The following CFAP210 variants were observed in gnomAD, a reference collection of about 807,000 sequenced individuals.
CFAP210 encodes cilia and flagella associated protein 210, also known as cilia- and flagella- associated protein 210.
the CFAP210 span, chr2:169,662,303 G>A: frequency 4.4e-6 from 7 of 1,599,116 alleles, no homozygotes; most frequent in African/African-American, 4.1e-5. Flanking sequence ...CTGCTTTCAT[G>A]CATCTCTTCT....
At chr2:169,674,493 G>A in the CFAP210 span, 4 of 1,145,302 alleles carry the variant, frequency 3.5e-6, no homozygotes, top group Admixed American at 8.3e-5. Flanking sequence ...ATTTTAGCAT[G>A]TATTACTTTT....
At chr2:169,657,650 G>A in the CFAP210 span, among the ~76,000 whole-genome samples, 1 of 152,134 alleles carries the variant, frequency 6.6e-6, no homozygotes. Context: ...CCAGGAGGCA[G>A]AGGTTGCAGC....
At chr2:169,670,181 A>C in the CFAP210 span, among the ~76,000 whole-genome samples, 2 of 152,216 alleles carry the variant, frequency 1.3e-5, no homozygotes, top group Non-Finnish European at 2.9e-5. Flanking sequence ...AGAAGAAAGA[A>C]GACCTATACA....
chr2:169,668,579 C>T, the CFAP210 span, among the ~76,000 whole-genome samples: 1 of 152,128 alleles, frequency 6.6e-6, no homozygotes. Context: ...TGCAACTCTT[C>T]CTTTCATTTG....
the CFAP210 span, among the ~76,000 whole-genome samples, chr2:169,687,683 C>T: frequency 1.8e-4 from 28 of 152,174 alleles, no homozygotes; most frequent in African/African-American, 5.6e-4. Flanking sequence ...TGAGTGTCTG[C>T]GGCTTTTCCA....
chr2:169,681,216 C>G, the CFAP210 span: 1 of 1,610,022 alleles, frequency 6.2e-7, no homozygotes, highest in Non-Finnish European at 8.5e-7. Context: ...ACTTGATCTT[C>G]TTCAGAGTTT....
At chr2:169,670,070 T>C in the CFAP210 span, among the ~76,000 whole-genome samples, 1 of 152,198 alleles carries the variant, frequency 6.6e-6, no homozygotes, top group East Asian at 1.9e-4. Flanking sequence ...TTTTTTCTTT[T>C]TTTGTGTGTG....
the CFAP210 span, among the ~76,000 whole-genome samples, chr2:169,682,175 G>A: frequency 6.6e-6 from 1 of 151,954 alleles, no homozygotes; most frequent in Non-Finnish European, 1.5e-5. Flanking sequence ...CCTTTTAATC[G>A]ATCAAGGTTC....
chr2:169,650,343 A>C, the CFAP210 span: 1 of 1,590,940 alleles, frequency 6.3e-7, no homozygotes, highest in Non-Finnish European at 8.5e-7. Flanking sequence ...ATGGCTCGAT[A>C]TTCTGCAATT....
chr2:169,664,000 C>T, the CFAP210 span, among the ~76,000 whole-genome samples: 3 of 148,052 alleles, frequency 2.0e-5, no homozygotes, highest in East Asian at 5.9e-4. Flanking sequence ...ACCAGCCTGG[C>T]CAACATAATG....
chr2:169,663,450 C>A, the CFAP210 span, among the ~76,000 whole-genome samples: 2 of 152,188 alleles, frequency 1.3e-5, no homozygotes, highest in Non-Finnish European at 2.9e-5. Flanking sequence ...ATCCTCCCGC[C>A]TAAGCCTCCC....
At chr2:169,671,078 C>G in the CFAP210 span, among the ~76,000 whole-genome samples, 1 of 152,088 alleles carries the variant, frequency 6.6e-6, no homozygotes, top group South Asian at 2.1e-4. Flanking sequence ...ACAGTCATTC[C>G]AAATTTTGGC....
chr2:169,659,784 A>G, the CFAP210 span, among the ~76,000 whole-genome samples: 2 of 152,166 alleles, frequency 1.3e-5, no homozygotes, highest in Non-Finnish European at 2.9e-5. Flanking sequence ...TTAACTCAAA[A>G]GTTTCTTTAC....
the CFAP210 span, among the ~76,000 whole-genome samples, chr2:169,653,029 AATATATATATATATATATATAT>A: frequency 5.3e-3 from 211 of 39,960 alleles, 2 homozygotes; most frequent in Non-Finnish European, 7.0e-3. Flanking sequence ...AAAAAAAAAA[AATATATATATATATATATATAT>A]ATATATATAT....
At chr2:169,661,762 C>T in the CFAP210 span, among the ~76,000 whole-genome samples, 2 of 152,216 alleles carry the variant, frequency 1.3e-5, no homozygotes, top group Non-Finnish European at 2.9e-5. Flanking sequence ...AGGATGCACT[C>T]CCTTAGAAAC....
the CFAP210 span, among the ~76,000 whole-genome samples, chr2:169,683,912 C>T: frequency 6.6e-6 from 1 of 152,186 alleles, no homozygotes; most frequent in African/African-American, 2.4e-5. Flanking sequence ...TTTTTACTAT[C>T]TCAGGCCACT....
At chr2:169,672,196 A>C in the CFAP210 span, among the ~76,000 whole-genome samples, 3 of 152,242 alleles carry the variant, frequency 2.0e-5, no homozygotes, top group Non-Finnish European at 4.4e-5. Flanking sequence ...ACAAATATAT[A>C]ATAATAGATT....
the CFAP210 span, among the ~76,000 whole-genome samples, chr2:169,680,542 C>G: frequency 5.9e-5 from 9 of 152,020 alleles, no homozygotes; most frequent in African/African-American, 2.2e-4. Flanking sequence ...AAAAAGTGAC[C>G]AAATAAACAA....
the CFAP210 span, chr2:169,650,529 A>C: frequency 1.3e-6 from 2 of 1,511,566 alleles, no homozygotes; most frequent in African/African-American, 1.4e-5. Flanking sequence ...AGCCTATAAC[A>C]AAATAACCAT....
Sources: allele counts gnomAD v4.1 joint callset (sites outside exome capture counted in the v4.1 genomes callset), GRCh38; gene constraint gnomAD v4.1.1; transcripts MANE v1.5; gene names NCBI Gene and HGNC (gene_info 2026-07-23, HGNC 2026-07-21).